Variants in AJAP1 observed in about 807,000 individuals in gnomAD.
AJAP1 encodes adherens junction-associated protein 1.
AJAP1 carries 5 observed loss-of-function variants against 35.0 expected under a neutral mutation model. That is an observed-to-expected ratio of 0.14 (90% CI 0.07 to 0.30). The LOEUF (loss-of-function observed/expected upper bound fraction) is 0.30, where lower values mean the gene tolerates loss of function less well. AJAP1 is among the 10% of genes least tolerant of loss of function. The pLI, the probability that AJAP1 is intolerant of heterozygous loss-of-function variation, is 1.00. For synonymous variants in AJAP1, 284 were observed against 249.3 expected, an observed-to-expected ratio of 1.14 and a Z score of -1.31; for missense variants, 586 against 571.0, an observed-to-expected ratio of 1.03 and a Z score of -0.27.
At chr1:4,735,873 T>G (rs570900512) in intron 2 of AJAP1, among the ~76,000 whole-genome samples, 136 of 152,322 alleles carry the variant, frequency 8.9e-4, no homozygotes, top group Non-Finnish European at 1.6e-3. Flanking sequence ...AGCTCAGCCC[T>G]GGGGCCCGCC....
At chr1:4,713,005 G>C (rs1463474840) in intron 2 of AJAP1, among the ~76,000 whole-genome samples, 1 of 152,134 alleles carries the variant, frequency 6.6e-6, no homozygotes, top group East Asian at 1.9e-4. Context: ...GTTACAGACC[G>C]GTGGAATCCA....
At chr1:4,742,962 G>A (rs1211059241) in intron 2 of AJAP1, among the ~76,000 whole-genome samples, 1 of 152,206 alleles carries the variant, frequency 6.6e-6, no homozygotes, top group African/African-American at 2.4e-5. Context: ...TCAACGTCAA[G>A]TTGCCTGATG....
At chr1:4,670,469 C>T (rs1028674855) in intron 1 of AJAP1, among the ~76,000 whole-genome samples, 1 of 152,200 alleles carries the variant, frequency 6.6e-6, no homozygotes, top group Non-Finnish European at 1.5e-5. Flanking sequence ...AGTATGACAT[C>T]AGCCCTGACC....
chr1:4,698,064 C>T (rs961784973), intron 1 of AJAP1, among the ~76,000 whole-genome samples: 1 of 152,250 alleles, frequency 6.6e-6, no homozygotes, highest in Non-Finnish European at 1.5e-5. Context: ...CTTTTCATTT[C>T]CTCTCCTGAT....
At chr1:4,747,586 C>G (rs1641218188) in intron 2 of AJAP1, among the ~76,000 whole-genome samples, 1 of 152,238 alleles carries the variant, frequency 6.6e-6, no homozygotes, top group Admixed American at 6.5e-5. Flanking sequence ...CGTGCAAAAC[C>G]TCCACCTTGA....
chr1:4,751,410 C>G (rs1310971839), intron 2 of AJAP1, among the ~76,000 whole-genome samples: 1 of 152,206 alleles, frequency 6.6e-6, no homozygotes, highest in East Asian at 1.9e-4. Flanking sequence ...AGGTCCCAGC[C>G]CACAGCCAGG....
chr1:4,707,249 C>G (rs990614684), intron 1 of AJAP1, among the ~76,000 whole-genome samples: 2 of 152,174 alleles, frequency 1.3e-5, no homozygotes, highest in Admixed American at 6.5e-5. Context: ...TGCACACACC[C>G]CATTCTCTAG....
chr1:4,678,271 G>C (rs529154174), intron 1 of AJAP1, among the ~76,000 whole-genome samples: 1 of 152,358 alleles, frequency 6.6e-6, no homozygotes, highest in African/African-American at 2.4e-5. Context: ...AAATATGAGT[G>C]AATCTGGTCT....
chr1:4,719,261 C>G (rs1640464868), intron 2 of AJAP1, among the ~76,000 whole-genome samples: 1 of 152,164 alleles, frequency 6.6e-6, no homozygotes. Context: ...ACAGTAAATG[C>G]CACACCTCGG....
rs1445880378 is a variant in AJAP1 at position 4,656,062 on chromosome 1, G to A, written c.29+608G>A. Among the ~76,000 whole-genome samples, 1 of 152,002 alleles carries A rather than the reference G, an allele frequency of 6.6e-6. No individual in the cohort carries two copies. Among genetic ancestry groups the A allele is most frequent in the Non-Finnish European group, 1.5e-5 (1 of 67,996 alleles). On this transcript the variant is annotated intron_variant, in intron 1 of 5. Transcript: ENST00000378191. This position sits in a 1 kb window ranked among gnomAD's most constrained non-coding sequence, Gnocchi z 5.7. ...CTCACAGCTGGCGGGCAGCTGGGGC[G>A]GGAGAGCTGGGGTTCTTGGGGAGCT...
intron 2 of AJAP1, among the ~76,000 whole-genome samples, chr1:4,735,577 C>A (rs577123302): frequency 9.8e-5 from 15 of 152,328 alleles, no homozygotes; most frequent in Admixed American, 8.5e-4. Context: ...ACTGAATAGC[C>A]AGGGACATTC....
chr1:4,756,871 G>C (rs1015800088), intron 2 of AJAP1, among the ~76,000 whole-genome samples: 2 of 152,064 alleles, frequency 1.3e-5, no homozygotes, highest in African/African-American at 4.8e-5. Context: ...AAGGGTCTTT[G>C]GGGAGGGTAG....
intron 1 of AJAP1, among the ~76,000 whole-genome samples, chr1:4,704,021 G>C (rs1640046105): frequency 6.6e-6 from 1 of 152,168 alleles, no homozygotes; most frequent in African/African-American, 2.4e-5. Context: ...GCCCAGAAAT[G>C]TTTGGAACAT....
intron 2 of AJAP1, among the ~76,000 whole-genome samples, chr1:4,733,236 G>T (rs147493509): frequency 6.6e-6 from 1 of 151,710 alleles, no homozygotes; most frequent in Non-Finnish European, 1.5e-5. Context: ...ATGCAATGCC[G>T]CCTTCAGATG....
At chr1:4,742,231 AG>A (rs1314751911) in intron 2 of AJAP1, among the ~76,000 whole-genome samples, 2 of 152,134 alleles carry the variant, frequency 1.3e-5, no homozygotes, top group Non-Finnish European at 2.9e-5. Context: ...TAGTGATCCA[AG>A]TCACCCCCTC....
In AJAP1 at chr1:4,721,219, G is replaced by A. The variant is rs920322616; in HGVS notation, c.829+8520G>A. Reference sequence around the variant, plus strand: ...GCATTTGTGAGTGGGGACTGGGGCAGAACCCAGCTCTCCTGACTCCAGGAC... The same window carrying A: ...GCATTTGTGAGTGGGGACTGGGGCAAAACCCAGCTCTCCTGACTCCAGGAC... On this transcript the variant is annotated intron_variant, in intron 2 of 5. Transcript: ENST00000378191. Among the ~76,000 whole-genome samples the A allele has an allele frequency of 1.3e-4, 20 of 152,344 alleles. 1 individual carries two copies. The highest frequency in any genetic ancestry group is 1.1e-3 in the Admixed American group (17 of 15,304).
At chr1:4,756,077 G>A (rs114620270) in intron 2 of AJAP1, among the ~76,000 whole-genome samples, 3,829 of 152,258 alleles carry the variant, frequency 0.025, 142 homozygotes, top group African/African-American at 0.077. Flanking sequence ...GCCCAGACAA[G>A]CCTAGGAGAA....
chr1:4,695,352 C>T (rs4654457), intron 1 of AJAP1, among the ~76,000 whole-genome samples: 10,369 of 152,202 alleles, frequency 0.068, 395 homozygotes, highest in Admixed American at 0.095. Flanking sequence ...AAAGGTTTTG[C>T]GGGGCCCATG....
chr1:4,655,417 A>G lies in AJAP1; in HGVS notation c.-9A>G, dbSNP rs751144300. ...CCAGGTCTGAGGCCCCGCTCCCCGA[A>G]ACGTGACCATGTGGATTCAACAGCT... On this transcript the variant is annotated 5_prime_UTR_variant, in exon 1 of 6. Coordinates refer to ENST00000378191, the MANE Select transcript of AJAP1 (RefSeq NM_018836.4). This position sits in a 1 kb window ranked among gnomAD's most constrained non-coding sequence, Gnocchi z 6.9. The G allele has an allele frequency of 6.4e-7, 1 of 1,563,430 alleles. No homozygotes were observed. Among genetic ancestry groups the G allele is most frequent in the Non-Finnish European group, 8.7e-7 (1 of 1,155,270 alleles).
Sources: gnomAD v4.1 joint callset for allele counts (sites outside exome capture counted in the v4.1 genomes callset) on GRCh38, gnomAD v4.1.1 for gene constraint, Gnocchi (gnomAD v3.1) non-coding constraint, MANE v1.5 for transcripts, NCBI Gene and HGNC (gene_info 2026-07-23, HGNC 2026-07-21) for gene names.